FAM167A: variants seen among roughly 807,000 people sequenced by gnomAD.
FAM167A encodes the protein protein FAM167A.
FAM167A carries 23 observed loss-of-function variants against 14.9 expected under a neutral mutation model. The observed-to-expected ratio is 1.55, with a 90% CI of 1.11 to 2.19. The LOEUF (loss-of-function observed/expected upper bound fraction) is 2.19, where lower values mean the gene tolerates loss of function less well. FAM167A is among the 30% of genes most tolerant of loss of function. The pLI is 0.00. For synonymous variants in FAM167A, 174 were observed against 117.7 expected (o/e 1.48, Z -3.10); for missense variants, 401 against 281.5 (o/e 1.42, Z -3.04).
At chr8:11,459,116 T>G (rs1351726877) in intron 1 of FAM167A, among the ~76,000 whole-genome samples, 1 of 152,232 alleles carries the variant, frequency 6.6e-6, no homozygotes, top group Non-Finnish European at 1.5e-5. Flanking sequence ...CAGAAATAAA[T>G]GAAAATTGTT....
chr8:11,439,707 C>G (rs917514335), intron 2 of FAM167A, among the ~76,000 whole-genome samples: 5 of 152,204 alleles, frequency 3.3e-5, no homozygotes, highest in African/African-American at 1.2e-4. Context: ...CTTCTCACTA[C>G]AAACTGCCCA....
intron 1 of FAM167A, among the ~76,000 whole-genome samples, chr8:11,446,783 T>C (rs1806802846): frequency 6.6e-6 from 1 of 152,214 alleles, no homozygotes; most frequent in Non-Finnish European, 1.5e-5. Context: ...TCTGTCCAAA[T>C]CTAAAGACTT....
At chr8:11,470,877 T>C (rs1383435311), upstream of FAM167A, among the ~76,000 whole-genome samples, 1 of 152,084 alleles carries the variant, frequency 6.6e-6, no homozygotes, top group Non-Finnish European at 1.5e-5. Flanking sequence ...TTAGGCATGT[T>C]CAGCTGCAAT....
At chr8:11,429,897 G>A (rs949214525) in intron 2 of FAM167A, among the ~76,000 whole-genome samples, 1 of 152,210 alleles carries the variant, frequency 6.6e-6, no homozygotes, top group Non-Finnish European at 1.5e-5. Flanking sequence ...AATGAAATTC[G>A]ACAACAAATA....
At chr8:11,425,749 CTT>C (rs1446705373) in intron 2 of FAM167A, among the ~76,000 whole-genome samples, 1 of 152,142 alleles carries the variant, frequency 6.6e-6, no homozygotes, top group Non-Finnish European at 1.5e-5. Context: ...AAAACAGACT[CTT>C]TGTGGCAGTA....
upstream of FAM167A, among the ~76,000 whole-genome samples, chr8:11,470,605 G>C (rs1188894997): frequency 2.0e-5 from 3 of 152,188 alleles, no homozygotes; most frequent in African/African-American, 7.2e-5. Flanking sequence ...CTCTAAATCA[G>C]TCTCTCCTGA....
intron 1 of FAM167A, among the ~76,000 whole-genome samples, chr8:11,451,778 G>A: frequency 6.6e-6 from 1 of 152,194 alleles, no homozygotes; most frequent in East Asian, 1.9e-4. Flanking sequence ...AATGTGAAGT[G>A]CAGGGGCGGT....
At chr8:11,435,213 C>G in intron 2 of FAM167A, 1 of 435,004 alleles carries the variant, frequency 2.3e-6, no homozygotes, top group South Asian at 1.7e-5. Context: ...CCCTGTGGTC[C>G]CTTCTCCACC....
intron 1 of FAM167A, among the ~76,000 whole-genome samples, chr8:11,452,872 G>C (rs767180066): frequency 5.3e-5 from 8 of 152,174 alleles, no homozygotes; most frequent in Non-Finnish European, 1.2e-4. Flanking sequence ...CCGAGCATCA[G>C]CACACACATT....
chr8:11,446,013 G>T (rs1255674183), intron 1 of FAM167A, among the ~76,000 whole-genome samples: 21 of 128,824 alleles, frequency 1.6e-4, no homozygotes, highest in Admixed American at 4.6e-4. Flanking sequence ...AAAACATCCC[G>T]GCCAAAAAAA....
chr8:11,470,549 T>C (rs570377620), upstream of FAM167A, among the ~76,000 whole-genome samples: 7 of 152,308 alleles, frequency 4.6e-5, no homozygotes, highest in East Asian at 7.7e-4. Flanking sequence ...AATGCACAGC[T>C]GGAACCAGAC....
intron 2 of FAM167A, among the ~76,000 whole-genome samples, chr8:11,433,056 G>C (rs1485185037): frequency 6.6e-6 from 1 of 152,116 alleles, no homozygotes; most frequent in Non-Finnish European, 1.5e-5. Context: ...ACATACCCGG[G>C]CCTGTTGGGG....
At chr8:11,449,124 G>T (rs1277014990) in intron 1 of FAM167A, among the ~76,000 whole-genome samples, 1 of 152,258 alleles carries the variant, frequency 6.6e-6, no homozygotes, top group East Asian at 1.9e-4. Context: ...AGCACAGTCA[G>T]ACCGCGAGGA....
intron 2 of FAM167A, chr8:11,438,647 A>G: frequency 2.5e-6 from 1 of 399,874 alleles, no homozygotes; most frequent in Non-Finnish European, 4.9e-6. Flanking sequence ...AAGATCATCA[A>G]GTTTTGGTGT....
upstream of FAM167A, chr8:11,467,585 C>A (rs1030970023): frequency 3.3e-5 from 5 of 152,386 alleles, no homozygotes; most frequent in African/African-American, 1.2e-4. Context: ...CTCCAGTCTG[C>A]CATTCTCACG....
chr8:11,424,467 G>A lies in FAM167A; in HGVS notation c.551C>T (p.Ser184Phe). 6.2e-7 allele frequency: 1 copy of A among 1,614,140 alleles called. No homozygotes were observed. The highest frequency in any genetic ancestry group is 1.1e-5 in the South Asian group (1 of 91,068). The change falls in exon 3 of 3, where the codon TCC (serine) becomes TTC (phenylalanine). Residue 184 changes from serine (S) to phenylalanine (F), a missense_variant. Ser to Phe is a radical substitution (Grantham distance 155). Transcript: ENST00000284486. ...RDELADLFCD[S>F]PLASSFSLST... ...GAGGCTGAAGGAGGAGGCAAGAGGG[G>A]AGTCACAGAAGAGGTCGGCCAGCTC...
At position 11,444,793 on chromosome 8, in the gene FAM167A, C is replaced by T; in HGVS notation, c.-382G>A. ...CAGAGCTCTCTCTTCTCGGGAAGGG[C>T]AGGTGGCTGGAGACCCTGTGGGAGG... On this transcript the variant is annotated 5_prime_UTR_variant, in exon 2 of 3. Coordinates refer to ENST00000284486, the MANE Select transcript of FAM167A (RefSeq NM_053279.3). 9.9e-7 allele frequency: 1 copy of T among 1,008,794 alleles called. No homozygotes were observed. 62.5% of individuals were successfully genotyped at this position (1,008,794 alleles called of 1,614,324 possible).
intron 2 of FAM167A, among the ~76,000 whole-genome samples, chr8:11,433,683 G>C (rs530900664): frequency 1.3e-5 from 2 of 152,266 alleles, no homozygotes; most frequent in Non-Finnish European, 2.9e-5. Flanking sequence ...AGGGCATTTT[G>C]TCTGGTCCCT....
intron 1 of FAM167A, among the ~76,000 whole-genome samples, chr8:11,452,249 A>T (rs1450011661): frequency 1.3e-5 from 2 of 152,238 alleles, no homozygotes. Flanking sequence ...TGATGAGGAC[A>T]GAATGACAAT....
Sources: allele counts gnomAD v4.1 joint callset (sites outside exome capture counted in the v4.1 genomes callset), GRCh38; gene constraint gnomAD v4.1.1; transcripts MANE v1.5; gene names NCBI Gene and HGNC (gene_info 2026-07-23, HGNC 2026-07-21).